ZC3H3: variants seen among roughly 807,000 people sequenced by gnomAD.
ZC3H3 encodes the protein zinc finger CCCH-type containing 3, also known as zinc finger CCCH domain-containing protein 3.
A neutral mutation model predicts 77.3 loss-of-function variants in ZC3H3; 36 were observed. That is an observed-to-expected ratio of 0.47 (90% CI 0.36 to 0.61). ZC3H3 has a LOEUF of 0.61. ZC3H3 is among the 20% of genes least tolerant of loss of function. The pLI is 0.00. For missense variants in ZC3H3, 1,331 were observed against 1,312.2 expected (o/e 1.01, Z -0.22); for synonymous variants, 626 against 555.2 (o/e 1.13, Z -1.79).
At chr8:143,495,891 T>C (rs383155) in intron 4 of ZC3H3, among the ~76,000 whole-genome samples, 4,231 of 152,078 alleles carry the variant, frequency 0.028, 178 homozygotes, top group African/African-American at 0.096. Context: ...TGCAAGCCAC[T>C]GCGCCTGGTG....
intron 4 of ZC3H3, among the ~76,000 whole-genome samples, chr8:143,498,617 C>T (rs973331924): frequency 6.6e-6 from 1 of 152,024 alleles, no homozygotes; most frequent in African/African-American, 2.4e-5. Flanking sequence ...GGGGTCACCC[C>T]GTGTTCTGCC....
intron 4 of ZC3H3, among the ~76,000 whole-genome samples, chr8:143,506,078 G>A (rs759704629): frequency 1.7e-4 from 26 of 152,336 alleles, no homozygotes; most frequent in Middle Eastern, 3.4e-3. Flanking sequence ...GGCCTCCTCA[G>A]CCCCAGGGCA....
rs548139748 is a variant in ZC3H3, at chr8:143,448,864, C to T, written c.2308-7744G>A. 2.0e-5 allele frequency among the ~76,000 whole-genome samples: 3 copies of T among 152,374 alleles called. No individual in the cohort carries two copies. In the East Asian group the frequency reaches 5.8e-4, roughly 29 times the overall value. Reference sequence around the variant, plus strand: ...CCTCTGCCTGGACATACAGGCTTTTCCACGTATCCTCTGAAATCAGGCAGA... The same window carrying T: ...CCTCTGCCTGGACATACAGGCTTTTTCACGTATCCTCTGAAATCAGGCAGA... On this transcript the variant is annotated intron_variant, in intron 9 of 11. Coordinates refer to ENST00000262577, the MANE Select transcript of ZC3H3 (RefSeq NM_015117.3).
chr8:143,466,370 G>C (rs1820409053), intron 8 of ZC3H3, among the ~76,000 whole-genome samples: 1 of 152,242 alleles, frequency 6.6e-6, no homozygotes, highest in Non-Finnish European at 1.5e-5. Context: ...CCTGGAAGCA[G>C]GGCTGGTGTG....
rs144647497 is a variant in ZC3H3 at position 143,440,268 on chromosome 8, C to A, written c.2588G>T (p.Gly863Val). ...AVAAPPHCPG[G>V]SASPSSSKAS... ...CTTCGAGGATGAGGGAGAGGCTGACCCCCCTGGGCAGTGGGGAGGTGCAGC... is the reference window on the plus strand; with the variant it reads ...CTTCGAGGATGAGGGAGAGGCTGACACCCCTGGGCAGTGGGGAGGTGCAGC... The change falls in exon 11 of 12, where the codon GGG becomes GTG. Residue 863 changes from glycine (G) to valine (V), a missense_variant. Gly to Val is a moderately radical substitution (Grantham distance 109). Coordinates refer to ENST00000262577, the MANE Select transcript of ZC3H3 (RefSeq NM_015117.3). 3.2e-6 allele frequency: 5 copies of A among 1,584,560 alleles called. No individual in the cohort carries two copies. The highest frequency in any genetic ancestry group is 2.0e-4 in the Middle Eastern group (1 of 4,922).
At position 143,533,095 on chromosome 8, in the gene ZC3H3, G is replaced by A. The variant is rs1002837647; in HGVS notation, c.1561+3162C>T. 6.6e-6 allele frequency among the ~76,000 whole-genome samples: 1 copy of A among 152,056 alleles called. No homozygotes were observed. The highest frequency in any genetic ancestry group is 2.4e-5 in the African/African-American group (1 of 41,384). On this transcript the variant is annotated intron_variant, in intron 3 of 11. Transcript: ENST00000262577. The surrounding 1 kb of genome is among the most constrained non-coding windows in gnomAD (Gnocchi z 4.0). ...GGGGCCCTGGACACGCCCCTCCCAGGGTCCTCCCCTGTCCCTCCCTGGCTT... is the reference window on the plus strand; with the variant it reads ...GGGGCCCTGGACACGCCCCTCCCAGAGTCCTCCCCTGTCCCTCCCTGGCTT...
In ZC3H3 at chr8:143,539,238, A is replaced by G; in HGVS notation, c.129T>C (p.Thr43=). ...CACTAAAGGCTCTGCCACTGTGGTA[A>G]GTGGGTGGCTGCCACCCAGAAGCTG... ...TPAASGWQPP[T]YHSGRAFSAR... The change falls in exon 2 of 12, where the codon ACT becomes ACC. Residue 43 remains threonine, a synonymous_variant. Transcript: ENST00000262577. 6.2e-7 allele frequency: 1 copy of G among 1,612,852 alleles called. No individual in the cohort carries two copies. Among genetic ancestry groups the G allele is most frequent in the Non-Finnish European group, 8.5e-7 (1 of 1,180,010 alleles).
intron 3 of ZC3H3, among the ~76,000 whole-genome samples, chr8:143,531,939 C>G (rs1023917517): frequency 1.3e-5 from 2 of 152,224 alleles, no homozygotes; most frequent in Non-Finnish European, 2.9e-5. Flanking sequence ...TCTTAGCCAT[C>G]ACAATGAATA....
At chr8:143,510,118 C>T (rs748659047) in intron 3 of ZC3H3, among the ~76,000 whole-genome samples, 3 of 152,242 alleles carry the variant, frequency 2.0e-5, no homozygotes, top group Admixed American at 6.5e-5. Flanking sequence ...TGCCTTACTG[C>T]GTGTTACTTC....
chr8:143,503,968 C>A (rs1361592324), intron 4 of ZC3H3, among the ~76,000 whole-genome samples: 1 of 152,030 alleles, frequency 6.6e-6, no homozygotes, highest in Non-Finnish European at 1.5e-5. Flanking sequence ...CAGTAAGTTT[C>A]TACTTAAATT....
intron 3 of ZC3H3, among the ~76,000 whole-genome samples, chr8:143,531,663 T>G (rs1390789648): frequency 6.6e-6 from 1 of 152,236 alleles, no homozygotes; most frequent in Non-Finnish European, 1.5e-5. Flanking sequence ...GCCTCTCAAA[T>G]TAAATTGCTG....
In ZC3H3 at chr8:143,437,832, G is replaced by A; in HGVS notation, c.*224C>T. 1.7e-6 allele frequency: 1 copy of A among 599,554 alleles called. No homozygotes were observed. Among genetic ancestry groups the A allele is most frequent in the South Asian group, 1.9e-5 (1 of 51,752 alleles). The allele number at this position is 599,554 out of a possible 1,614,324, so 37.1% of individuals were successfully genotyped here. On this transcript the variant is annotated 3_prime_UTR_variant, in exon 12 of 12. Transcript: ENST00000262577. ...CCAGCCCTGCCTGGCACCCTGGAAG[G>A]TGGTGGGGTGGGGACAGGGGCCTGG...
At chr8:143,537,798 A>C (rs1359955796) in intron 2 of ZC3H3, among the ~76,000 whole-genome samples, 1 of 152,208 alleles carries the variant, frequency 6.6e-6, no homozygotes, top group Non-Finnish European at 1.5e-5. Context: ...GAGGGACGGG[A>C]AACCTGTCCC....
chr8:143,473,645 G>A (rs879408738), intron 5 of ZC3H3, among the ~76,000 whole-genome samples: 1 of 152,234 alleles, frequency 6.6e-6, no homozygotes, highest in Non-Finnish European at 1.5e-5. Flanking sequence ...GCCAGCCAAC[G>A]TGGGGCTTGG....
At chr8:143,478,710 C>T (rs571665280) in intron 4 of ZC3H3, among the ~76,000 whole-genome samples, 5 of 152,122 alleles carry the variant, frequency 3.3e-5, no homozygotes, top group Non-Finnish European at 5.9e-5. Flanking sequence ...GTGTTTCACC[C>T]CATTGGCCAA....
In ZC3H3 at chr8:143,521,527, C is replaced by T. The variant is rs542601086; in HGVS notation, c.1562-13628G>A. On this transcript the variant is annotated intron_variant, in intron 3 of 11. Transcript: ENST00000262577. ...CCTCCTGCACATGGGGCATCTGCTA[C>T]TTGTGTTTTCAAAGGGCCCAGAAAC... Among the ~76,000 whole-genome samples, 129 of 152,332 alleles carry T rather than the reference C, an allele frequency of 8.5e-4. 4 individuals carry two copies. In the South Asian group the frequency reaches 0.026, roughly 31 times the overall value.
chr8:143,441,769 A>C (rs187422462), intron 9 of ZC3H3, among the ~76,000 whole-genome samples: 1,607 of 152,208 alleles, frequency 0.011, 123 homozygotes, highest in Admixed American at 0.099. Flanking sequence ...CCTGTGGTGC[A>C]GGGCGCCCAG....
chr8:143,460,269 T>TAAAC lies in ZC3H3; in HGVS notation c.2307+5447_2307+5448insGTTT. 6.6e-6 allele frequency among the ~76,000 whole-genome samples: 1 copy of TAAAC among 150,386 alleles called. No homozygotes were observed. Among genetic ancestry groups the TAAAC allele is most frequent in the East Asian group, 1.9e-4 (1 of 5,148 alleles). The stretch of plus-strand genomic sequence containing the variant: ...TCTCAAAAATAAATAAATAAATAAA[T>TAAAC]AAATAAATAAATAAATAAATAAAAG... On this transcript the variant is annotated intron_variant, in intron 9 of 11. Coordinates refer to ENST00000262577, the MANE Select transcript of ZC3H3 (RefSeq NM_015117.3). This position sits in a 1 kb window ranked among gnomAD's most constrained non-coding sequence, Gnocchi z 4.0.
chr8:143,514,258 A>C (rs1376895939), intron 3 of ZC3H3, among the ~76,000 whole-genome samples: 2 of 152,094 alleles, frequency 1.3e-5, no homozygotes, highest in Non-Finnish European at 2.9e-5. Context: ...TGAGGTCCAC[A>C]GGAGACTGCC....
Sources: allele counts gnomAD v4.1 joint callset (sites outside exome capture counted in the v4.1 genomes callset), GRCh38; gene constraint gnomAD v4.1.1; non-coding constraint Gnocchi (gnomAD v3.1); transcripts MANE v1.5; gene names NCBI Gene and HGNC (gene_info 2026-07-23, HGNC 2026-07-21).